CACNB2: variants seen among roughly 807,000 people sequenced by gnomAD.
CACNB2 encodes the protein calcium voltage-gated channel auxiliary subunit beta 2.
Under a neutral mutation model 73.3 loss-of-function variants are expected in CACNB2, and 42 were observed. The observed-to-expected ratio is 0.57, with a 90% CI of 0.45 to 0.74. The LOEUF (loss-of-function observed/expected upper bound fraction) is 0.74. Among genes scored for constraint, CACNB2 ranks in the 30% least tolerant of loss-of-function variants. CACNB2 has a pLI of 0.00. For missense variants in CACNB2, 940 were observed against 853.0 expected (o/e 1.10, Z -1.27); for synonymous variants, 348 against 310.3 (o/e 1.12, Z -1.28).
intron 3 of CACNB2, among the ~76,000 whole-genome samples, chr10:18,483,021 G>A (rs777123107): frequency 6.6e-6 from 1 of 152,128 alleles, no homozygotes; most frequent in Non-Finnish European, 1.5e-5. Context: ...TTCAAACAGA[G>A]CAACAATTGG....
chr10:18,380,208 C>T (rs2042956713), intron 2 of CACNB2, among the ~76,000 whole-genome samples: 1 of 152,120 alleles, frequency 6.6e-6, no homozygotes, highest in South Asian at 2.1e-4. Flanking sequence ...CAGTGTTCCT[C>T]ATTCCTTCTT....
chr10:18,353,949 A>G (rs754918943), intron 2 of CACNB2, among the ~76,000 whole-genome samples: 8 of 152,218 alleles, frequency 5.3e-5, no homozygotes, highest in Non-Finnish European at 1.2e-4. Context: ...TATTCTGGTG[A>G]ATATTTGAAA....
chr10:18,425,110 A>G (rs895507763), intron 3 of CACNB2, among the ~76,000 whole-genome samples: 9 of 152,184 alleles, frequency 5.9e-5, no homozygotes, highest in Non-Finnish European at 1.2e-4. Context: ...AATACTTTTC[A>G]TATATTAACC....
chr10:18,539,507 A>T lies in CACNB2; in HGVS notation c.1766A>T (p.Asn589Ile). ...CACTATGCCTCACACCGTGACCACA[A>T]CCACAGAGACGAGACCCACGGGAGC... The part of the protein sequence containing the change: ...VDHYASHRDH[N>I]HRDETHGSSD... Residue 589 changes from asparagine to isoleucine, a missense_variant, in exon 14 of 14, where the codon AAC becomes ATC. Transcript: ENST00000324631. 1 of 1,614,020 alleles carries T rather than the reference A, an allele frequency of 6.2e-7. No homozygotes were observed. Among genetic ancestry groups the T allele is most frequent in the African/African-American group, 1.3e-5 (1 of 75,000 alleles).
intron 2 of CACNB2, among the ~76,000 whole-genome samples, chr10:18,189,793 C>A (rs61131022): frequency 0.11 from 16,500 of 152,194 alleles, 943 homozygotes; most frequent in East Asian, 0.23. Flanking sequence ...TCCTAGAACA[C>A]TGGACCAGTT....
At chr10:18,467,241 A>G (rs959258680) in intron 3 of CACNB2, among the ~76,000 whole-genome samples, 5 of 152,238 alleles carry the variant, frequency 3.3e-5, no homozygotes, top group Admixed American at 2.0e-4. Flanking sequence ...AAGTAATTCA[A>G]TTGAAATAAT....
chr10:18,150,416 C>T (rs1225980316), intron 1 of CACNB2, among the ~76,000 whole-genome samples: 1 of 152,214 alleles, frequency 6.6e-6, no homozygotes, highest in African/African-American at 2.4e-5. Context: ...GTAATCCTAA[C>T]ACTTTGGGAG....
chr10:18,460,344 T>G (rs1238692469), intron 3 of CACNB2, among the ~76,000 whole-genome samples: 1 of 152,122 alleles, frequency 6.6e-6, no homozygotes, highest in African/African-American at 2.4e-5. Flanking sequence ...CTCTCGGAGG[T>G]TTAGTAGGGA....
intron 2 of CACNB2, among the ~76,000 whole-genome samples, chr10:18,269,692 C>G (rs563474392): frequency 1.3e-5 from 2 of 152,332 alleles, no homozygotes; most frequent in South Asian, 4.1e-4. Context: ...TGGAAACTCT[C>G]CAGGCACTGT....
chr10:18,242,727 G>GTA (rs1289787155), intron 2 of CACNB2, among the ~76,000 whole-genome samples: 5 of 151,910 alleles, frequency 3.3e-5, no homozygotes, highest in Admixed American at 1.3e-4. Context: ...GCTCATGCCT[G>GTA]TAATCCCAGC....
intron 9 of CACNB2, among the ~76,000 whole-genome samples, chr10:18,521,877 T>A (rs1177665011): frequency 1.3e-5 from 2 of 152,156 alleles, no homozygotes; most frequent in Non-Finnish European, 2.9e-5. Context: ...ACAATGCAAC[T>A]ACAATAGATC....
intron 3 of CACNB2, among the ~76,000 whole-genome samples, chr10:18,457,447 A>T (rs1051262788): frequency 5.3e-5 from 8 of 152,100 alleles, no homozygotes; most frequent in African/African-American, 1.7e-4. Context: ...TAATGCTATC[A>T]CCTTAGACTG....
chr10:18,217,549 T>C (rs2482113), intron 2 of CACNB2, among the ~76,000 whole-genome samples: 98,362 of 151,534 alleles, frequency 0.65, 34,246 homozygotes, highest in Non-Finnish European at 0.78. Context: ...GTATAAATGT[T>C]ATAGAAAAAA....
rs535356363 is a variant in CACNB2 at position 18,378,775 on chromosome 10, C to T, written c.214-23149C>T. Among the ~76,000 whole-genome samples the T allele has an allele frequency of 1.1e-4, 16 of 152,184 alleles. No homozygotes were observed. The East Asian group carries it at 1.7e-3, about 17-fold the overall frequency. On this transcript the variant is annotated intron_variant, in intron 2 of 13. Coordinates refer to ENST00000324631, the MANE Select transcript of CACNB2 (RefSeq NM_201596.3). ...GAAAATAGACTCCACGGTGGCCTGA[C>T]GGTTAAGTATGCCTAAATCAGCCAT...
chr10:18,381,238 G>T (rs1343094401), intron 2 of CACNB2, among the ~76,000 whole-genome samples: 3 of 151,032 alleles, frequency 2.0e-5, no homozygotes, highest in East Asian at 3.9e-4. Flanking sequence ...GCCGGGTGCG[G>T]TGGCTCACGC....
At chr10:18,470,045 T>C (rs957517866) in intron 3 of CACNB2, among the ~76,000 whole-genome samples, 1 of 152,048 alleles carries the variant, frequency 6.6e-6, no homozygotes, top group Non-Finnish European at 1.5e-5. Flanking sequence ...TTAATATCTA[T>C]GAAAATTAAT....
At chr10:18,173,708 T>C (rs188631754) in intron 2 of CACNB2, among the ~76,000 whole-genome samples, 67 of 152,370 alleles carry the variant, frequency 4.4e-4, no homozygotes, top group Non-Finnish European at 8.1e-4. Flanking sequence ...CTACTTCTTC[T>C]AACCTTTTAG....
chr10:18,168,821 T>C (rs1257602808), intron 2 of CACNB2, among the ~76,000 whole-genome samples: 4 of 152,238 alleles, frequency 2.6e-5, no homozygotes, highest in African/African-American at 9.6e-5. Context: ...TTTTCCCAAA[T>C]ACAAGCTCCT....
At chr10:18,428,349 C>A (rs899842041) in intron 3 of CACNB2, among the ~76,000 whole-genome samples, 2 of 152,140 alleles carry the variant, frequency 1.3e-5, no homozygotes, top group Admixed American at 6.6e-5. Flanking sequence ...TTGCATGCTG[C>A]AGTTTTTCTT....
Sources: gnomAD v4.1 joint callset for allele counts (sites outside exome capture counted in the v4.1 genomes callset) on GRCh38, gnomAD v4.1.1 for gene constraint, MANE v1.5 for transcripts, NCBI Gene and HGNC (gene_info 2026-07-23, HGNC 2026-07-21) for gene names.